SH3GL3: variants seen among roughly 807,000 people sequenced by gnomAD.
SH3GL3 encodes endophilin-A3.
In SH3GL3, 33 loss-of-function variants were observed where a neutral mutation model predicts 47.7. That is an observed-to-expected ratio of 0.69 (90% CI 0.52 to 0.92). SH3GL3 has a LOEUF of 0.92. Ranked by LOEUF, SH3GL3 falls within the 40% of genes least tolerant of loss-of-function variation. The pLI, the probability that SH3GL3 is intolerant of heterozygous loss-of-function variation, is 0.00. For missense variants in SH3GL3, 363 were observed against 417.8 expected, an observed-to-expected ratio of 0.87 and a Z score of 1.14; for synonymous variants, 155 against 148.8, an observed-to-expected ratio of 1.04 and a Z score of -0.30.
chr15:83,499,145 A>G (rs1287864498), intron 1 of SH3GL3, among the ~76,000 whole-genome samples: 1 of 152,022 alleles, frequency 6.6e-6, no homozygotes, highest in Non-Finnish European at 1.5e-5. Context: ...CGTTTTATAC[A>G]TATCTTGCCT....
chr15:83,591,974 T>C (rs976469139), intron 8 of SH3GL3, among the ~76,000 whole-genome samples: 1 of 152,166 alleles, frequency 6.6e-6, no homozygotes, highest in Non-Finnish European at 1.5e-5. Flanking sequence ...GGCCGGGCCA[T>C]GTGTATACAT....
intron 1 of SH3GL3, among the ~76,000 whole-genome samples, chr15:83,500,767 T>C (rs540403507): frequency 9.8e-5 from 15 of 152,356 alleles, no homozygotes; most frequent in Non-Finnish European, 2.1e-4. Context: ...ATGGACATGG[T>C]TGCCTAGTGG....
At chr15:83,520,044 C>T (rs556392007) in intron 1 of SH3GL3, among the ~76,000 whole-genome samples, 7 of 152,156 alleles carry the variant, frequency 4.6e-5, no homozygotes, top group Non-Finnish European at 8.8e-5. Flanking sequence ...GCCAGAGTAT[C>T]GGCATCTTCT....
chr15:83,559,209 A>G, intron 1 of SH3GL3, 44 bp from the exon 2 acceptor site: 1 of 1,117,672 alleles, frequency 8.9e-7, no homozygotes, highest in Non-Finnish European at 1.3e-6. Context: ...AAACTGTGAC[A>G]AGAAATCATT....
At chr15:83,609,896 C>T (rs543144656) in intron 8 of SH3GL3, among the ~76,000 whole-genome samples, 20 of 152,318 alleles carry the variant, frequency 1.3e-4, no homozygotes, top group African/African-American at 4.6e-4. Flanking sequence ...GCTGCAGACA[C>T]GCCAGTCCCT....
intron 1 of SH3GL3, chr15:83,490,921 T>C (rs766811878): frequency 2.5e-6 from 4 of 1,613,782 alleles, no homozygotes; most frequent in Non-Finnish European, 3.4e-6. Flanking sequence ...TGGGAAAATG[T>C]TAAGGGGGAG....
chr15:83,606,507 G>A (rs947333461), intron 8 of SH3GL3, among the ~76,000 whole-genome samples: 8 of 152,326 alleles, frequency 5.3e-5, no homozygotes, highest in African/African-American at 1.7e-4. Flanking sequence ...AGTGACAATG[G>A]TGATTGTTCG....
chr15:83,587,101 G>T lies in SH3GL3; in HGVS notation c.728+15G>T. On this transcript the variant is annotated intron_variant, in intron 7 of 8. Coordinates refer to ENST00000427482, the MANE Select transcript of SH3GL3 (RefSeq NM_003027.5). Reference sequence around the variant, plus strand: ...CTACAGATGCGGTAAGCACCTCCACGTTTCTTACAAGCCAAGGGCTGCGGA... The same window carrying T: ...CTACAGATGCGGTAAGCACCTCCACTTTTCTTACAAGCCAAGGGCTGCGGA... 6.8e-7 allele frequency: 1 copy of T among 1,466,342 alleles called. No individual in the cohort carries two copies. Among genetic ancestry groups the T allele is most frequent in the Non-Finnish European group, 9.5e-7 (1 of 1,053,952 alleles). 90.8% of individuals were successfully genotyped at this position (1,466,342 alleles called of 1,614,324 possible). A position where few individuals can be genotyped will look rare whatever the true frequency, so the allele number is the denominator to read the frequency against.
intron 8 of SH3GL3, among the ~76,000 whole-genome samples, chr15:83,610,901 G>A (rs554702523): frequency 7.5e-4 from 114 of 151,996 alleles, no homozygotes; most frequent in African/African-American, 2.0e-3. Context: ...GGATTGGACC[G>A]CCTCTACCTT....
chr15:83,492,521 T>G (rs1357433647), intron 1 of SH3GL3, among the ~76,000 whole-genome samples: 1 of 152,076 alleles, frequency 6.6e-6, no homozygotes, highest in Admixed American at 6.5e-5. Context: ...CACTTCTACC[T>G]CTATAGCTTG....
rs1357488251 is a variant in SH3GL3, at chr15:83,466,424, A to ATATATATG, written c.45+18851_45+18852insATGTATAT. Among the ~76,000 whole-genome samples the ATATATATG allele has an allele frequency of 1.7e-4, 26 of 152,004 alleles. 1 individual carries two copies. The highest frequency in any genetic ancestry group is 1.5e-3 in the East Asian group (8 of 5,180). On this transcript the variant is annotated intron_variant, in intron 1 of 8. Transcript: ENST00000427482. ...AGTGCAATTGTTAGAATATATATAT[A>ATATATATG]TATATGGGGAAAGGCATGCTAGGCT...
chr15:83,613,653 AT>A, intron 8 of SH3GL3, among the ~76,000 whole-genome samples: 3 of 149,918 alleles, frequency 2.0e-5, no homozygotes, highest in Middle Eastern at 6.8e-3. Flanking sequence ...CTATCTATCT[AT>A]CTATCTATCT....
At chr15:83,609,603 A>G in intron 8 of SH3GL3, 1 of 242,962 alleles carries the variant, frequency 4.1e-6, no homozygotes, top group South Asian at 4.7e-5. Flanking sequence ...TTTGCCTTTC[A>G]GTGGGGATGC....
At chr15:83,610,142 A>G (rs1243310430) in intron 8 of SH3GL3, among the ~76,000 whole-genome samples, 1 of 152,202 alleles carries the variant, frequency 6.6e-6, no homozygotes, top group Non-Finnish European at 1.5e-5. Context: ...AGAGCCTTCA[A>G]AGGCCTGGGA....
chr15:83,554,210 G>T (rs1355450662), intron 1 of SH3GL3, among the ~76,000 whole-genome samples: 2 of 151,126 alleles, frequency 1.3e-5, no homozygotes, highest in African/African-American at 4.9e-5. Context: ...TTTTTGAGAC[G>T]GAATTTCACT....
rs141439397 is a variant in SH3GL3 at position 83,478,580 on chromosome 15, T to C, written c.45+31002T>C. Among the ~76,000 whole-genome samples the C allele has an allele frequency of 1.1e-3, 174 of 152,374 alleles. 2 individuals carry two copies. The highest frequency in any genetic ancestry group is 3.9e-3 in the African/African-American group (163 of 41,594). On this transcript the variant is annotated intron_variant, in intron 1 of 8. Transcript: ENST00000427482. ...TATCTCAAGTGCTTTATATATGATATATGGTTTAATTAATGGGAGCTTTAG... is the reference window on the plus strand; with the variant it reads ...TATCTCAAGTGCTTTATATATGATACATGGTTTAATTAATGGGAGCTTTAG...
chr15:83,487,490 T>A (rs924442654), intron 1 of SH3GL3, among the ~76,000 whole-genome samples: 3 of 152,204 alleles, frequency 2.0e-5, no homozygotes, highest in African/African-American at 7.2e-5. Flanking sequence ...TTTTCTGTTG[T>A]GAACCCAAAG....
chr15:83,451,074 C>A (rs527913232), intron 1 of SH3GL3, among the ~76,000 whole-genome samples: 4 of 103,036 alleles, frequency 3.9e-5, no homozygotes, highest in Admixed American at 1.1e-4. Flanking sequence ...TTTGTTCTTG[C>A]GATAGTTTAC....
intron 1 of SH3GL3, among the ~76,000 whole-genome samples, chr15:83,503,148 CATT>C (rs1167359205): frequency 6.6e-6 from 1 of 151,730 alleles, no homozygotes; most frequent in Non-Finnish European, 1.5e-5. Flanking sequence ...ATTGATGAAA[CATT>C]ATAAAATACA....
Sources: allele counts gnomAD v4.1 joint callset (sites outside exome capture counted in the v4.1 genomes callset), GRCh38; gene constraint gnomAD v4.1.1; transcripts MANE v1.5; gene names NCBI Gene and HGNC (gene_info 2026-07-23, HGNC 2026-07-21).